CCSER1: variants seen among roughly 807,000 people sequenced by gnomAD.
The protein encoded by CCSER1 is serine-rich coiled-coil domain-containing protein 1.
In CCSER1, 41 loss-of-function variants were observed where a neutral mutation model predicts 82.0. The observed-to-expected ratio is 0.50, with a 90% CI of 0.39 to 0.65. The LOEUF (loss-of-function observed/expected upper bound fraction) is 0.65, where lower values mean the gene tolerates loss of function less well. Among genes scored for constraint, CCSER1 ranks in the 30% least tolerant of loss-of-function variants. CCSER1 has a pLI of 0.00. For missense variants in CCSER1, 1,119 were observed against 1,064.2 expected, an observed-to-expected ratio of 1.05 and a Z score of -0.72; for synonymous variants, 414 against 383.9, an observed-to-expected ratio of 1.08 and a Z score of -0.92.
chr4:90,902,015 T>G (rs1394851944), intron 8 of CCSER1, among the ~76,000 whole-genome samples: 1 of 151,912 alleles, frequency 6.6e-6, no homozygotes, highest in African/African-American at 2.4e-5. Context: ...TTTGTCTGAG[T>G]TAATTCAAAA....
intron 3 of CCSER1, among the ~76,000 whole-genome samples, chr4:90,386,490 A>G (rs1008419472): frequency 1.3e-5 from 2 of 152,158 alleles, no homozygotes; most frequent in Admixed American, 6.5e-5. Flanking sequence ...CTATACAGAA[A>G]TTAACTCAAG....
intron 8 of CCSER1, among the ~76,000 whole-genome samples, chr4:90,868,260 C>G (rs80117452): frequency 0.012 from 1,774 of 152,102 alleles, 29 homozygotes; most frequent in African/African-American, 0.041. Context: ...ACTATAGTCA[C>G]CCTGTTATGT....
intron 6 of CCSER1, among the ~76,000 whole-genome samples, chr4:90,653,515 G>A (rs2149057170): frequency 6.6e-6 from 1 of 152,132 alleles, no homozygotes; most frequent in East Asian, 1.9e-4. Context: ...TAGACACCAT[G>A]ATAGAGTCAG....
At chr4:91,327,574 T>G (rs980902895) in intron 10 of CCSER1, among the ~76,000 whole-genome samples, 1 of 152,230 alleles carries the variant, frequency 6.6e-6, no homozygotes, top group African/African-American at 2.4e-5. Flanking sequence ...TTTTCCCCAT[T>G]GTCTTGGCTT....
At chr4:91,439,466 G>T (rs913412399) in intron 10 of CCSER1, among the ~76,000 whole-genome samples, 3 of 151,986 alleles carry the variant, frequency 2.0e-5, no homozygotes, top group East Asian at 1.9e-4. Flanking sequence ...TGCCCTAAAA[G>T]AGCTCCTGAA....
intron 1 of CCSER1, among the ~76,000 whole-genome samples, chr4:90,129,103 T>G (rs1722381461): frequency 6.6e-6 from 1 of 151,830 alleles, no homozygotes; most frequent in Admixed American, 6.6e-5. Context: ...ATCTTTACAG[T>G]TGAATACCTT....
At chr4:90,496,971 C>CAAAAAAAA (rs771281710) in intron 5 of CCSER1, among the ~76,000 whole-genome samples, 44 of 55,008 alleles carry the variant, frequency 8.0e-4, no homozygotes, top group Middle Eastern at 0.014. Context: ...AGCGAGACTA[C>CAAAAAAAA]AAAAAAAAAA....
intron 5 of CCSER1, among the ~76,000 whole-genome samples, chr4:90,576,561 C>A (rs1780798983): frequency 6.6e-6 from 1 of 152,090 alleles, no homozygotes; most frequent in South Asian, 2.1e-4. Context: ...ACCACTGATG[C>A]TTTTTCTTTT....
rs150262425 is a variant in CCSER1 at position 90,434,668 on chromosome 4, T to A, written c.1604-33566T>A. Among the ~76,000 whole-genome samples, 1,421 of 152,172 alleles carry A rather than the reference T, an allele frequency of 9.3e-3. 11 individuals carry two copies. The highest frequency in any genetic ancestry group is 0.022 in the South Asian group (105 of 4,820). On this transcript the variant is annotated intron_variant, in intron 4 of 10. Coordinates refer to ENST00000509176, the MANE Select transcript of CCSER1 (RefSeq NM_001145065.2). The stretch of plus-strand genomic sequence containing the variant: ...ATTTGGGATACAGCAAGCAGTTTGG[T>A]GTGATGAGAAAGGAAGATGGGAGAT...
intron 1 of CCSER1, among the ~76,000 whole-genome samples, chr4:90,161,560 T>A (rs1729443951): frequency 6.6e-6 from 1 of 152,040 alleles, no homozygotes; most frequent in African/African-American, 2.4e-5. Flanking sequence ...TCTCTTTTTT[T>A]AATGAGAATG....
rs182635891 is a variant in CCSER1, at chr4:90,522,875, G to A, written c.1724+54521G>A. On this transcript the variant is annotated intron_variant, in intron 5 of 10. Transcript: ENST00000509176. ...TTCATAGTTGGCATTGATTAAATATGAATTGAATGATTTTCTTCTATTGAC... is the reference window on the plus strand; with the variant it reads ...TTCATAGTTGGCATTGATTAAATATAAATTGAATGATTTTCTTCTATTGAC... Among the ~76,000 whole-genome samples, 881 of 152,170 alleles carry A rather than the reference G, an allele frequency of 5.8e-3. 9 individuals carry two copies. Among genetic ancestry groups the A allele is most frequent in the African/African-American group, 0.02 (830 of 41,518 alleles).
intron 1 of CCSER1, among the ~76,000 whole-genome samples, chr4:90,252,465 A>C (rs1264216752): frequency 6.6e-6 from 1 of 151,704 alleles, no homozygotes; most frequent in East Asian, 1.9e-4. Flanking sequence ...CTATTTATAT[A>C]TTTGTAAATT....
chr4:91,042,421 G>A (rs546542527), intron 9 of CCSER1, among the ~76,000 whole-genome samples: 3 of 152,172 alleles, frequency 2.0e-5, no homozygotes, highest in Non-Finnish European at 2.9e-5. Context: ...GCCCAGTCTC[G>A]GGCGGTTCTT....
rs188668446 is a variant in CCSER1, at chr4:90,290,070, G to A, written c.-41-18174G>A. On this transcript the variant is annotated intron_variant, in intron 1 of 10. Coordinates refer to ENST00000509176, the MANE Select transcript of CCSER1 (RefSeq NM_001145065.2). ...TGGATATATTTATATAATCAAATCT[G>A]GGTAATTGGAATACTCATTATCTTA... Among the ~76,000 whole-genome samples the A allele has an allele frequency of 2.8e-4, 42 of 151,660 alleles. No homozygotes were observed. In the East Asian group the frequency reaches 7.6e-3, roughly 27 times the overall value.
At chr4:90,407,394 A>T (rs911599165) in intron 4 of CCSER1, among the ~76,000 whole-genome samples, 1 of 152,210 alleles carries the variant, frequency 6.6e-6, no homozygotes, top group Non-Finnish European at 1.5e-5. Context: ...TTAGGACCAG[A>T]TGGATTCACA....
intron 5 of CCSER1, among the ~76,000 whole-genome samples, chr4:90,602,238 A>T (rs1784115572): frequency 6.6e-6 from 1 of 152,048 alleles, no homozygotes; most frequent in Non-Finnish European, 1.5e-5. Context: ...GTTCCTTTGA[A>T]CTAACAACCC....
At chr4:90,520,694 G>T (rs935543308) in intron 5 of CCSER1, among the ~76,000 whole-genome samples, 5 of 152,132 alleles carry the variant, frequency 3.3e-5, no homozygotes, top group African/African-American at 1.2e-4. Context: ...TTTATGAAAG[G>T]TACTTGTATA....
intron 1 of CCSER1, among the ~76,000 whole-genome samples, chr4:90,201,234 C>A (rs1006905097): frequency 3.9e-5 from 6 of 152,086 alleles, no homozygotes; most frequent in Non-Finnish European, 7.4e-5. Flanking sequence ...TCAGTTTTTA[C>A]TTGGTGCAAT....
At chr4:91,218,740 C>G (rs1737497718) in intron 10 of CCSER1, among the ~76,000 whole-genome samples, 2 of 152,084 alleles carry the variant, frequency 1.3e-5, no homozygotes, top group Admixed American at 1.3e-4. Flanking sequence ...GATCCTTCAC[C>G]CACAGTAAGA....
Sources: gnomAD v4.1 joint callset for allele counts (sites outside exome capture counted in the v4.1 genomes callset) on GRCh38, gnomAD v4.1.1 for gene constraint, MANE v1.5 for transcripts, NCBI Gene and HGNC (gene_info 2026-07-23, HGNC 2026-07-21) for gene names.